The following HM13 variants were observed in gnomAD, a reference collection of about 807,000 sequenced individuals.
HM13 encodes the protein signal peptide peptidase.
A neutral mutation model predicts 50.0 loss-of-function variants in HM13; 18 were observed. The observed-to-expected ratio is 0.36, with a 90% CI of 0.25 to 0.53. The LOEUF (loss-of-function observed/expected upper bound fraction) is 0.53, where lower values mean the gene tolerates loss of function less well. HM13 is among the 20% of genes least tolerant of loss of function. HM13 has a pLI of 0.90. For missense variants in HM13, 393 were observed against 552.4 expected (o/e 0.71, Z 2.89); for synonymous variants, 197 against 232.6 (o/e 0.85, Z 1.39).
At chr20:31,563,933 G>A (rs113933395) in intron 10 of HM13, 16,025 of 152,012 alleles carry the variant, frequency 0.11, 986 homozygotes, top group Non-Finnish European at 0.12. Context: ...AAAATTAGCC[G>A]GGCTTGGTGG....
At chr20:31,528,343 G>A (rs1314822694) in intron 2 of HM13, among the ~76,000 whole-genome samples, 1 of 152,130 alleles carries the variant, frequency 6.6e-6, no homozygotes, top group East Asian at 1.9e-4. Context: ...TTAGGACAGA[G>A]TCTCACTCCG....
intron 8 of HM13, among the ~76,000 whole-genome samples, chr20:31,557,316 T>C (rs1035100494): frequency 2.6e-5 from 4 of 152,200 alleles, no homozygotes; most frequent in Non-Finnish European, 4.4e-5. Flanking sequence ...CCACACAAAC[T>C]TCCCCTGTGT....
chr20:31,564,209 G>T (rs1372529937), intron 10 of HM13: 1 of 152,156 alleles, frequency 6.6e-6, no homozygotes, highest in African/African-American at 2.4e-5. Flanking sequence ...AGTATGCAGG[G>T]CACACTACGG....
At chr20:31,559,014 G>A (rs956650454) in intron 8 of HM13, among the ~76,000 whole-genome samples, 22 of 152,344 alleles carry the variant, frequency 1.4e-4, no homozygotes, top group African/African-American at 5.1e-4. Flanking sequence ...CACTTCCTGG[G>A]TTCAAGTGAT....
chr20:31,518,271 G>A (rs1031775456), intron 1 of HM13, among the ~76,000 whole-genome samples: 5 of 151,298 alleles, frequency 3.3e-5, no homozygotes, highest in African/African-American at 1.2e-4. Context: ...CCGACCTCAG[G>A]TGATCCACCC....
rs1983246655 is a variant in HM13 at position 31,538,448 on chromosome 20, A to C, written c.365+187A>C. The stretch of plus-strand genomic sequence containing the variant: ...AAGAACAATGACCTCTCTGGGCCAC[A>C]GTTTCCTTATAGACATGATGAGGAT... On this transcript the variant is annotated intron_variant, in intron 3 of 12. Coordinates refer to ENST00000398174, the MANE Select transcript of HM13 (RefSeq NM_178581.3). 4 of 1,435,042 alleles carry C rather than the reference A, an allele frequency of 2.8e-6. No homozygotes were observed. The South Asian group carries it at 6.1e-5, about 22-fold the overall frequency. The allele number at this position is 1,435,042 out of a possible 1,614,324, so 88.9% of individuals were successfully genotyped here. A position where few individuals can be genotyped will look rare whatever the true frequency, so the allele number is the denominator to read the frequency against.
chr20:31,551,009 T>G (rs6088533), intron 7 of HM13, among the ~76,000 whole-genome samples: 3,274 of 152,268 alleles, frequency 0.022, 48 homozygotes, highest in Middle Eastern at 0.058. Context: ...TATATATGTG[T>G]GTGTACATAT....
chr20:31,566,124 A>T, intron 10 of HM13, 86 bp from the exon 11 acceptor site: 1 of 961,696 alleles, frequency 1.0e-6, no homozygotes, highest in Non-Finnish European at 1.6e-6. Flanking sequence ...CCTTCAGTCC[A>T]GCCCAGAAGG....
chr20:31,547,738 T>G, intron 4 of HM13: 1 of 1,049,908 alleles, frequency 9.5e-7, no homozygotes, highest in Non-Finnish European at 1.4e-6. Flanking sequence ...GGGGCCTTTT[T>G]GTCCAACTCT....
intron 1 of HM13, among the ~76,000 whole-genome samples, chr20:31,526,771 G>T (rs1982516500): frequency 2.0e-5 from 3 of 152,198 alleles, no homozygotes; most frequent in Admixed American, 1.3e-4. Context: ...TTCAGCCATT[G>T]TCTGTCTTGT....
intron 3 of HM13, chr20:31,540,537 T>C (rs183779280): frequency 9.8e-5 from 15 of 152,326 alleles, no homozygotes; most frequent in Admixed American, 2.0e-4. Context: ...TATTTAATGT[T>C]ATAGCAACAA....
intron 10 of HM13, among the ~76,000 whole-genome samples, chr20:31,565,258 C>G (rs373096042): frequency 1.2e-4 from 18 of 151,772 alleles, no homozygotes; most frequent in Admixed American, 1.1e-3. Flanking sequence ...GCAGGTGGAT[C>G]ACCTGAGGTC....
chr20:31,564,586 A>G (rs1244847922), intron 10 of HM13, among the ~76,000 whole-genome samples: 1 of 152,094 alleles, frequency 6.6e-6, no homozygotes, highest in Non-Finnish European at 1.5e-5. Context: ...CAAAAAAAAA[A>G]AAATTGCTGA....
intron 3 of HM13, among the ~76,000 whole-genome samples, chr20:31,542,190 C>T (rs370061055): frequency 6.6e-6 from 1 of 152,268 alleles, no homozygotes; most frequent in Non-Finnish European, 1.5e-5. Context: ...CAAACCCCAG[C>T]CTGGGGGATT....
chr20:31,534,225 A>G (rs1007923922), intron 2 of HM13, among the ~76,000 whole-genome samples: 3 of 152,144 alleles, frequency 2.0e-5, no homozygotes, highest in African/African-American at 7.2e-5. Context: ...CACAGAAACT[A>G]TGCTCAGAGA....
At chr20:31,569,095 T>G in intron 12 of HM13, 25 bp from the exon 13 acceptor site, 5 of 1,451,132 alleles carry the variant, frequency 3.4e-6, no homozygotes, top group Non-Finnish European at 4.7e-6. Flanking sequence ...TGAATTTTTA[T>G]TGTTGTTTTT....
chr20:31,553,026 G>T (rs1342235989), intron 7 of HM13, among the ~76,000 whole-genome samples: 3 of 152,036 alleles, frequency 2.0e-5, no homozygotes, highest in Non-Finnish European at 4.4e-5. Flanking sequence ...GGCCAGGCGT[G>T]GTGGCTTACG....
At chr20:31,549,183 G>A in intron 5 of HM13, 24 bp from the exon 6 acceptor site, 2 of 1,614,162 alleles carry the variant, frequency 1.2e-6, no homozygotes, top group Non-Finnish European at 1.7e-6. Flanking sequence ...ACAGCAAGCT[G>A]GTCTCACTCC....
At chr20:31,566,986 G>A (rs188107758) in intron 11 of HM13, among the ~76,000 whole-genome samples, 122 of 152,142 alleles carry the variant, frequency 8.0e-4, no homozygotes, top group African/African-American at 2.8e-3. Flanking sequence ...GGTGCCTTCC[G>A]CCCAGTTCCA....
Sources: gnomAD v4.1 joint callset for allele counts (sites outside exome capture counted in the v4.1 genomes callset) on GRCh38, gnomAD v4.1.1 for gene constraint, MANE v1.5 for transcripts, NCBI Gene and HGNC (gene_info 2026-07-23, HGNC 2026-07-21) for gene names.